LDAH: variants seen among roughly 807,000 people sequenced by gnomAD.
The protein encoded by LDAH is lipid droplet associated hydrolase, also known as lipid droplet-associated hydrolase.
A neutral mutation model predicts 29.6 loss-of-function variants in LDAH; 26 were observed. That is an observed-to-expected ratio of 0.88 (90% CI 0.64 to 1.22). The LOEUF is 1.22. Ranked by LOEUF, LDAH falls within the 50% of genes most tolerant of loss-of-function variation. LDAH has a pLI of 0.00. For synonymous variants in LDAH, 117 were observed against 133.0 expected, an observed-to-expected ratio of 0.88 and a Z score of 0.83; for missense variants, 344 against 387.3, an observed-to-expected ratio of 0.89 and a Z score of 0.94.
At chr2:20,720,471 G>GAC (rs895848816) in intron 5 of LDAH, among the ~76,000 whole-genome samples, 7 of 151,904 alleles carry the variant, frequency 4.6e-5, no homozygotes, top group Admixed American at 6.6e-5. Context: ...AAATGGAAAG[G>GAC]ACACACACAC....
At chr2:20,755,952 A>C (rs544038652) in intron 4 of LDAH, among the ~76,000 whole-genome samples, 1 of 152,322 alleles carries the variant, frequency 6.6e-6, no homozygotes, top group South Asian at 2.1e-4. Flanking sequence ...ATACCTGTCC[A>C]AATTACCCTG....
At chr2:20,811,667 G>A (rs1347955917) in intron 1 of LDAH, among the ~76,000 whole-genome samples, 2 of 151,588 alleles carry the variant, frequency 1.3e-5, no homozygotes, top group African/African-American at 4.8e-5. Context: ...TGTATTTTTA[G>A]TAGAGATGGG....
chr2:20,723,970 T>C (rs1665845473), intron 5 of LDAH, among the ~76,000 whole-genome samples: 1 of 152,214 alleles, frequency 6.6e-6, no homozygotes, highest in African/African-American at 2.4e-5. Flanking sequence ...TAACATTATT[T>C]TCTAAGATTT....
chr2:20,753,903 G>T lies in LDAH; in HGVS notation c.469-13698C>A, dbSNP rs565996154. Among the ~76,000 whole-genome samples the T allele has an allele frequency of 2.0e-5, 3 of 152,212 alleles. No individual in the cohort carries two copies. The South Asian group carries it at 6.2e-4, about 32-fold the overall frequency. ...TAATTTTATCACCAAAATCAATATG[G>T]TAATGAATCATATACCTTTAATAAA... is the stretch of plus-strand genomic sequence containing the variant. On this transcript the variant is annotated intron_variant, in intron 4 of 6. Coordinates refer to ENST00000237822, the MANE Select transcript of LDAH (RefSeq NM_021925.4).
At chr2:20,752,082 G>C (rs920058724) in intron 4 of LDAH, among the ~76,000 whole-genome samples, 4 of 152,010 alleles carry the variant, frequency 2.6e-5, no homozygotes, top group African/African-American at 9.7e-5. Context: ...TGTAGAGACA[G>C]GGTCTCACTA....
chr2:20,804,495 A>G (rs1393478586), intron 1 of LDAH, among the ~76,000 whole-genome samples: 1 of 152,236 alleles, frequency 6.6e-6, no homozygotes, highest in African/African-American at 2.4e-5. Flanking sequence ...AGACACTAAA[A>G]AAATTATATA....
At chr2:20,739,826 A>T in intron 5 of LDAH, 145 bp downstream of exon 5, 1 of 601,300 alleles carries the variant, frequency 1.7e-6, no homozygotes, top group South Asian at 2.3e-5. Flanking sequence ...TTCTAATTTT[A>T]TTTATTTCTA....
intron 5 of LDAH, among the ~76,000 whole-genome samples, chr2:20,732,221 G>A (rs1666460423): frequency 6.6e-6 from 1 of 151,836 alleles, no homozygotes; most frequent in Non-Finnish European, 1.5e-5. Context: ...TTGCATCCCT[G>A]GAATAAATCA....
At chr2:20,798,081 C>T (rs564862077) in intron 2 of LDAH, among the ~76,000 whole-genome samples, 195 of 152,218 alleles carry the variant, frequency 1.3e-3, no homozygotes, top group African/African-American at 4.5e-3. Context: ...TGATTAATGC[C>T]CTCCATTAAC....
chr2:20,746,104 G>A (rs1667551945), intron 4 of LDAH, among the ~76,000 whole-genome samples: 1 of 152,218 alleles, frequency 6.6e-6, no homozygotes, highest in African/African-American at 2.4e-5. Context: ...AGCAGTTCAA[G>A]TGTTTACTAA....
At chr2:20,719,902 T>G (rs925905119) in intron 5 of LDAH, among the ~76,000 whole-genome samples, 1 of 152,124 alleles carries the variant, frequency 6.6e-6, no homozygotes, top group African/African-American at 2.4e-5. Context: ...GGAAAAGTGT[T>G]TGATAAAATT....
chr2:20,704,077 GAGA>G (rs1348827180), intron 5 of LDAH, among the ~76,000 whole-genome samples: 3 of 152,224 alleles, frequency 2.0e-5, no homozygotes, highest in African/African-American at 4.8e-5. Context: ...TGTGTGAACA[GAGA>G]AGAACTTGAA....
intron 5 of LDAH, among the ~76,000 whole-genome samples, chr2:20,714,750 A>G (rs536111008): frequency 6.6e-6 from 1 of 152,346 alleles, no homozygotes; most frequent in East Asian, 1.9e-4. Context: ...AATACTATAA[A>G]CACTTCTACG....
chr2:20,795,945 CCACA>C (rs57619975), intron 2 of LDAH, among the ~76,000 whole-genome samples: 88,792 of 141,712 alleles, frequency 0.63, 28,745 homozygotes, highest in East Asian at 0.79. Flanking sequence ...CCGAAACCTG[CCACA>C]CACACACACA....
chr2:20,740,292 T>TGAATGG lies in LDAH; in HGVS notation c.469-93_469-88dup, dbSNP rs1667087386. ...GTCTCTTCTATATAGTAATGACAAA[T>TGAATGG]GAATGGGTTTTAGAATGACTAGAGA... On this transcript the variant is annotated intron_variant, in intron 4 of 6. Coordinates refer to ENST00000237822, the MANE Select transcript of LDAH (RefSeq NM_021925.4). 4.6e-6 allele frequency: 4 copies of TGAATGG among 876,810 alleles called. 1 individual carries two copies. Among genetic ancestry groups the TGAATGG allele is most frequent in the South Asian group, 3.2e-5 (2 of 61,926 alleles). 54.3% of individuals were successfully genotyped at this position (876,810 alleles called of 1,614,324 possible).
intron 5 of LDAH, among the ~76,000 whole-genome samples, chr2:20,734,547 C>T (rs1313580304): frequency 6.6e-6 from 1 of 151,802 alleles, no homozygotes; most frequent in Admixed American, 6.6e-5. Context: ...AGTGTAGAAA[C>T]CTTACTTGCC....
chr2:20,756,551 C>T (rs553640186), intron 4 of LDAH, among the ~76,000 whole-genome samples: 2 of 151,812 alleles, frequency 1.3e-5, no homozygotes, highest in Non-Finnish European at 2.9e-5. Flanking sequence ...AAGGATATTA[C>T]AAAAAGGAAG....
chr2:20,813,352 T>G (rs745488154), intron 1 of LDAH, among the ~76,000 whole-genome samples: 8 of 152,206 alleles, frequency 5.3e-5, no homozygotes, highest in Non-Finnish European at 2.9e-5. Flanking sequence ...AGTAGCATAT[T>G]ATATATACTT....
chr2:20,782,905 A>C (rs1429857114), intron 3 of LDAH, among the ~76,000 whole-genome samples: 1 of 152,178 alleles, frequency 6.6e-6, no homozygotes, highest in Non-Finnish European at 1.5e-5. Flanking sequence ...TAAGGCAGAA[A>C]CTTAGGTAAT....
Sources: allele counts gnomAD v4.1 joint callset (sites outside exome capture counted in the v4.1 genomes callset), GRCh38; gene constraint gnomAD v4.1.1; transcripts MANE v1.5; gene names NCBI Gene and HGNC (gene_info 2026-07-23, HGNC 2026-07-21).